Variants in MED26 observed in about 807,000 individuals in gnomAD.
MED26 encodes mediator complex subunit 26, also known as mediator of RNA polymerase II transcription subunit 26.
Under a neutral mutation model 43.7 loss-of-function variants are expected in MED26, and 7 were observed. That is an observed-to-expected ratio of 0.16 (90% CI 0.09 to 0.30). MED26 has a LOEUF of 0.30. Among genes scored for constraint, MED26 ranks in the 10% least tolerant of loss-of-function variants. MED26 has a pLI of 1.00. For synonymous variants in MED26, 375 were observed against 371.1 expected (o/e 1.01, Z -0.12); for missense variants, 784 against 840.6 (o/e 0.93, Z 0.83).
At chr19:16,600,834 C>T (rs1489510850) in intron 1 of MED26, among the ~76,000 whole-genome samples, 2 of 152,158 alleles carry the variant, frequency 1.3e-5, no homozygotes, top group East Asian at 1.9e-4. Flanking sequence ...GTGGCTGACA[C>T]CTGTAATCCC....
rs117436076 is a variant in MED26, at chr19:16,602,813, C to T, written c.73-24404G>A. Among the ~76,000 whole-genome samples, 513 of 152,224 alleles carry T rather than the reference C, an allele frequency of 3.4e-3. 2 individuals carry two copies. Among genetic ancestry groups the T allele is most frequent in the Non-Finnish European group, 5.7e-3 (391 of 68,006 alleles). On this transcript the variant is annotated intron_variant, in intron 1 of 2. Transcript: ENST00000263390. ...CAGAGAGGTGGAAAGTCGAACAGTA[C>T]GTGCGCCCAGGGCTCGGGAAGGGGA...
intron 1 of MED26, among the ~76,000 whole-genome samples, chr19:16,580,444 C>G (rs1052404959): frequency 6.6e-5 from 10 of 152,010 alleles, no homozygotes; most frequent in Admixed American, 2.6e-4. Context: ...TCTCGGCTCA[C>G]TGCAACCTCC....
intron 1 of MED26, among the ~76,000 whole-genome samples, chr19:16,627,293 G>A (rs1421501205): frequency 6.6e-6 from 1 of 152,156 alleles, no homozygotes; most frequent in Admixed American, 6.5e-5. Flanking sequence ...TCTAGTCACA[G>A]AAGGGAGACA....
chr19:16,584,037 C>T (rs986055566), intron 1 of MED26, among the ~76,000 whole-genome samples: 9 of 152,138 alleles, frequency 5.9e-5, no homozygotes, highest in African/African-American at 2.2e-4. Context: ...TCGCCCAAGA[C>T]CACAAGAGGT....
At position 16,576,977 on chromosome 19, in the gene MED26, C is replaced by G; in HGVS notation, c.853G>C (p.Ala285Pro). ...PRNSRHEGSFARQQSLYAPKG... is the reference protein window; with the variant it reads ...PRNSRHEGSFPRQQSLYAPKG... Reference sequence around the variant, plus strand: ...GGTGCATACAAGCTCTGCTGCCGGGCAAAGGAGCCCTCATGCCGTGAGTTC... The same window carrying G: ...GGTGCATACAAGCTCTGCTGCCGGGGAAAGGAGCCCTCATGCCGTGAGTTC... Residue 285 changes from alanine to proline, a missense_variant, in exon 3 of 3, where the codon GCC becomes CCC. By Grantham distance (27) the Ala-to-Pro change is conservative. Coordinates refer to ENST00000263390, the MANE Select transcript of MED26 (RefSeq NM_004831.5). This position sits in a 1 kb window ranked among gnomAD's most constrained non-coding sequence, Gnocchi z 6.8. 2 of 1,602,458 alleles carry G rather than the reference C, an allele frequency of 1.2e-6. No individual in the cohort carries two copies. The highest frequency in any genetic ancestry group is 1.7e-6 in the Non-Finnish European group (2 of 1,172,742).
rs1354688753 is a variant in MED26 at position 16,628,029 on chromosome 19, C to A, written c.-86G>T. 6.0e-6 allele frequency: 5 copies of A among 837,884 alleles called. No individual in the cohort carries two copies. The highest frequency in any genetic ancestry group is 8.2e-6 in the Non-Finnish European group (5 of 606,234). The allele number at this position is 837,884 out of a possible 1,614,324, so 51.9% of individuals were successfully genotyped here. ...CGGGGGTCACTCACTCGCCGGCCTC[C>A]GGGAGCCGGAGCCGCATGTTCCCCG... On this transcript the variant is annotated 5_prime_UTR_variant, in exon 1 of 3. Transcript: ENST00000263390.
chr19:16,619,909 G>A (rs2086243831), intron 1 of MED26, among the ~76,000 whole-genome samples: 1 of 152,230 alleles, frequency 6.6e-6, no homozygotes, highest in Non-Finnish European at 1.5e-5. Context: ...TGTGTGTCCA[G>A]GAATGCCATG....
chr19:16,624,235 G>C (rs1019146037), intron 1 of MED26: 2 of 152,304 alleles, frequency 1.3e-5, no homozygotes, highest in Admixed American at 1.3e-4. Flanking sequence ...CCACCCTGTG[G>C]ACAAGAAATC....
At chr19:16,598,490 G>GAT (rs1241654914) in intron 1 of MED26, among the ~76,000 whole-genome samples, 1 of 152,098 alleles carries the variant, frequency 6.6e-6, no homozygotes, top group African/African-American at 2.4e-5. Flanking sequence ...CTGCCTCCCA[G>GAT]ATGCACCCCA....
rs539115432 is a variant in MED26 at position 16,606,695 on chromosome 19, G to T, written c.72+21177C>A. Among the ~76,000 whole-genome samples the T allele has an allele frequency of 6.4e-4, 98 of 152,242 alleles. 1 individual carries two copies. The highest frequency in any genetic ancestry group is 2.8e-4 in the Non-Finnish European group (19 of 68,036). ...GAGAGATTTTTGATGGCTCAGTGAT[G>T]AAGTCAGCAACAGTGACTGCCACCA... On this transcript the variant is annotated intron_variant, in intron 1 of 2. Transcript: ENST00000263390.
chr19:16,577,082 G>T lies in MED26; in HGVS notation c.748C>A (p.Leu250Met), dbSNP rs1415061265. ...GPCLQPKASV[L>M]QQLDRVDETP... is the part of the protein sequence containing the mutation. The stretch of plus-strand genomic sequence containing the variant: ...TCGTCCACCCTGTCCAGCTGCTGCA[G>T]CACCGAAGCCTTTGGCTGCAAGCAG... The change falls in exon 3 of 3, where the codon CTG (leucine) becomes ATG (methionine). Residue 250 changes from leucine (L) to methionine (M), a missense_variant. This residue lies in a region of MED26 where 719 missense variants were observed against 730.9 expected (regional missense o/e 0.98). Coordinates refer to ENST00000263390, the MANE Select transcript of MED26 (RefSeq NM_004831.5). The surrounding 1 kb of genome is among the most constrained non-coding windows in gnomAD (Gnocchi z 8.1). 12 of 1,609,270 alleles carry T rather than the reference G, an allele frequency of 7.5e-6. 1 individual carries two copies. In the African/African-American group the frequency reaches 1.6e-4, roughly 21 times the overall value.
At position 16,577,611 on chromosome 19, in the gene MED26, G is replaced by C; in HGVS notation, c.219C>G (p.Ala73=). Residue 73 remains alanine (A), a synonymous_variant, in exon 3 of 3, where the codon GCC becomes GCG. Coordinates refer to ENST00000263390, the MANE Select transcript of MED26 (RefSeq NM_004831.5). The surrounding 1 kb of genome is among the most constrained non-coding windows in gnomAD (Gnocchi z 8.1). Reference sequence around the variant, plus strand: ...TCTGCCAGCTCCGCAGCAGCTTCTTGGCCCGCTTGGCGAGCTCCTCGTTCT... The same window carrying C: ...TCTGCCAGCTCCGCAGCAGCTTCTTCGCCCGCTTGGCGAGCTCCTCGTTCT... ...KTKNEELAKR[A]KKLLRSWQKL... 1 of 1,601,242 alleles carries C rather than the reference G, an allele frequency of 6.2e-7. No individual in the cohort carries two copies. Among genetic ancestry groups the C allele is most frequent in the Non-Finnish European group, 8.5e-7 (1 of 1,171,480 alleles).
chr19:16,593,827 T>A (rs546508484), intron 1 of MED26, among the ~76,000 whole-genome samples: 1 of 152,262 alleles, frequency 6.6e-6, no homozygotes, highest in African/African-American at 2.4e-5. Flanking sequence ...CCACCTCTCC[T>A]GTCCCTCCAA....
chr19:16,604,376 G>A (rs937121449), intron 1 of MED26, among the ~76,000 whole-genome samples: 1 of 152,216 alleles, frequency 6.6e-6, no homozygotes, highest in African/African-American at 2.4e-5. Context: ...GGTCAAAGGA[G>A]GCCTTTAGCT....
chr19:16,612,280 T>C (rs1340126146), intron 1 of MED26: 1 of 151,950 alleles, frequency 6.6e-6, no homozygotes, highest in Non-Finnish European at 1.5e-5. Flanking sequence ...ATGATTACTT[T>C]TTGTGTGTTT....
At chr19:16,625,726 C>G (rs1386094400) in intron 1 of MED26, among the ~76,000 whole-genome samples, 2 of 152,196 alleles carry the variant, frequency 1.3e-5, no homozygotes, top group Non-Finnish European at 2.9e-5. Flanking sequence ...ATGCCCGGCT[C>G]TCACCATCAC....
intron 1 of MED26, among the ~76,000 whole-genome samples, chr19:16,601,451 G>A (rs1376762978): frequency 9.2e-5 from 14 of 152,148 alleles, no homozygotes; most frequent in Non-Finnish European, 2.9e-5. Context: ...CACCGCGCCC[G>A]GCCTAAGTAC....
In MED26 at chr19:16,590,811, G is replaced by A. The variant is rs1054383424; in HGVS notation, c.73-12402C>T. Reference sequence around the variant, plus strand: ...CAAGCACTTTGGGAGGTGGAGGCAGGTGGATCACCTGAGGCCAGGAGTTTG... The same window carrying A: ...CAAGCACTTTGGGAGGTGGAGGCAGATGGATCACCTGAGGCCAGGAGTTTG... On this transcript the variant is annotated intron_variant, in intron 1 of 2. Coordinates refer to ENST00000263390, the MANE Select transcript of MED26 (RefSeq NM_004831.5). Among the ~76,000 whole-genome samples the A allele has an allele frequency of 3.9e-5, 6 of 152,196 alleles. No homozygotes were observed. The East Asian group carries it at 7.7e-4, about 20-fold the overall frequency.
At chr19:16,591,114 A>T (rs2086095797) in intron 1 of MED26, among the ~76,000 whole-genome samples, 1 of 152,084 alleles carries the variant, frequency 6.6e-6, no homozygotes, top group Non-Finnish European at 1.5e-5. Context: ...AAAAACACCC[A>T]TGGAGGCAGA....
Sources: allele counts gnomAD v4.1 joint callset (sites outside exome capture counted in the v4.1 genomes callset), GRCh38; gene constraint gnomAD v4.1.1; regional missense constraint gnomAD v4.1.1; non-coding constraint Gnocchi (gnomAD v3.1); transcripts MANE v1.5; gene names NCBI Gene and HGNC (gene_info 2026-07-23, HGNC 2026-07-21).